LRRC7: variants seen among roughly 807,000 people sequenced by gnomAD.
The protein encoded by LRRC7 is leucine-rich repeat-containing protein 7.
LRRC7 carries 23 observed loss-of-function variants against 175.7 expected under a neutral mutation model. The observed-to-expected ratio is 0.13, with a 90% CI of 0.09 to 0.19. The LOEUF is 0.19. LRRC7 is among the 10% of genes least tolerant of loss of function. The pLI is 1.00. For synonymous variants in LRRC7, 685 were observed against 680.9 expected (o/e 1.01, Z -0.09); for missense variants, 1,354 against 1,904.7 (o/e 0.71, Z 5.38).
intron 1 of LRRC7, among the ~76,000 whole-genome samples, chr1:69,608,541 A>G (rs1773325): frequency 0.13 from 19,816 of 152,082 alleles, 1,624 homozygotes; most frequent in South Asian, 0.19. Context: ...TCAGTGTCCC[A>G]TAACACCTTA....
At chr1:69,573,740 A>G (rs1021109210) in intron 1 of LRRC7, among the ~76,000 whole-genome samples, 2 of 152,188 alleles carry the variant, frequency 1.3e-5, no homozygotes, top group Admixed American at 1.3e-4. Context: ...TTTCCTGTGT[A>G]CACTCATTCT....
At chr1:69,795,729 C>T (rs985393136) in intron 4 of LRRC7, among the ~76,000 whole-genome samples, 1 of 152,106 alleles carries the variant, frequency 6.6e-6, no homozygotes, top group Non-Finnish European at 1.5e-5. Flanking sequence ...TCAATCTGAT[C>T]TTGATTGTTG....
intron 4 of LRRC7, among the ~76,000 whole-genome samples, chr1:69,809,797 G>A (rs1021025967): frequency 3.3e-5 from 5 of 152,096 alleles, no homozygotes; most frequent in African/African-American, 1.2e-4. Context: ...AGCTATTTAT[G>A]AGAAACCCAC....
chr1:69,740,932 G>T (rs1354708990), intron 2 of LRRC7, among the ~76,000 whole-genome samples: 1 of 151,860 alleles, frequency 6.6e-6, no homozygotes, highest in African/African-American at 2.4e-5. Context: ...CAGACTAGTG[G>T]AAGTATTCAT....
chr1:70,041,578 A>G (rs1263424960), intron 21 of LRRC7, among the ~76,000 whole-genome samples: 3 of 152,230 alleles, frequency 2.0e-5, no homozygotes, highest in Non-Finnish European at 2.9e-5. Context: ...ATAATACAGT[A>G]CAGTTTGGGA....
At chr1:69,723,748 A>G (rs1257944994) in intron 2 of LRRC7, among the ~76,000 whole-genome samples, 4 of 152,164 alleles carry the variant, frequency 2.6e-5, no homozygotes, top group Non-Finnish European at 4.4e-5. Flanking sequence ...TCAAAGTGCC[A>G]GCAGATTCAG....
intron 8 of LRRC7, among the ~76,000 whole-genome samples, chr1:69,966,689 C>T (rs11209582): frequency 0.041 from 6,239 of 152,250 alleles, 148 homozygotes; most frequent in East Asian, 0.073. Flanking sequence ...GGAGATTGTC[C>T]GCCCCGAGCA....
chr1:69,872,843 C>G (rs1354382380), intron 7 of LRRC7, among the ~76,000 whole-genome samples: 1 of 152,090 alleles, frequency 6.6e-6, no homozygotes, highest in Non-Finnish European at 1.5e-5. Flanking sequence ...ACATATACCT[C>G]TCTCATTGGT....
chr1:69,718,029 AAAG>A (rs1665815027), intron 2 of LRRC7, among the ~76,000 whole-genome samples: 1 of 148,838 alleles, frequency 6.7e-6, no homozygotes, highest in African/African-American at 2.4e-5. Flanking sequence ...CTAGAAAGAA[AAAG>A]AAGAAAGGAG....
intron 8 of LRRC7, among the ~76,000 whole-genome samples, chr1:69,975,670 T>C (rs1323700145): frequency 1.3e-5 from 2 of 152,200 alleles, no homozygotes; most frequent in African/African-American, 4.8e-5. Context: ...TTGCCTTATG[T>C]TAACAGATTA....
chr1:69,713,281 T>C (rs975936149), intron 2 of LRRC7, among the ~76,000 whole-genome samples: 1 of 151,438 alleles, frequency 6.6e-6, no homozygotes, highest in Admixed American at 6.6e-5. Flanking sequence ...AGCCTAGGAG[T>C]TCCAGATCAG....
At chr1:69,996,968 G>C (rs1312992083) in intron 11 of LRRC7, among the ~76,000 whole-genome samples, 1 of 152,126 alleles carries the variant, frequency 6.6e-6, no homozygotes, top group Non-Finnish European at 1.5e-5. Flanking sequence ...GGATGGCATT[G>C]AATCTGTAAA....
intron 3 of LRRC7, among the ~76,000 whole-genome samples, chr1:69,772,117 G>T (rs1020799999): frequency 6.6e-6 from 1 of 151,858 alleles, no homozygotes; most frequent in African/African-American, 2.4e-5. Context: ...GTGAAACTCC[G>T]CCTCTAAATA....
intron 23 of LRRC7, among the ~76,000 whole-genome samples, chr1:70,064,696 T>G (rs1366168086): frequency 6.6e-6 from 1 of 151,846 alleles, no homozygotes; most frequent in African/African-American, 2.4e-5. Context: ...GAGAAACTCA[T>G]GCACTAGTCA....
At chr1:69,669,031 T>C (rs1333005831) in intron 1 of LRRC7, among the ~76,000 whole-genome samples, 2 of 152,196 alleles carry the variant, frequency 1.3e-5, no homozygotes, top group Non-Finnish European at 2.9e-5. Context: ...TCATACTGTC[T>C]ATGTCTTGAA....
chr1:69,764,803 G>A (rs1474727356), intron 3 of LRRC7, among the ~76,000 whole-genome samples: 1 of 149,412 alleles, frequency 6.7e-6, no homozygotes, highest in Non-Finnish European at 1.5e-5. Context: ...ATAGATAACT[G>A]GGCAAGATGA....
intron 26 of LRRC7, among the ~76,000 whole-genome samples, chr1:70,121,105 C>T (rs1036756557): frequency 2.0e-5 from 3 of 151,856 alleles, no homozygotes; most frequent in African/African-American, 4.8e-5. Flanking sequence ...ATATCAATTG[C>T]TTATATCAAT....
At chr1:69,750,441 A>G (rs1188272742) in intron 2 of LRRC7, among the ~76,000 whole-genome samples, 1 of 152,236 alleles carries the variant, frequency 6.6e-6, no homozygotes, top group African/African-American at 2.4e-5. Context: ...ATAAATATGT[A>G]CAACCATATG....
chr1:70,018,625 C>T, intron 14 of LRRC7, 94 bp from the exon 15 acceptor site: 1 of 635,682 alleles, frequency 1.6e-6, no homozygotes, highest in East Asian at 3.0e-5. Flanking sequence ...TTCACTTTTT[C>T]CCCCCAATGT....
Sources: gnomAD v4.1 joint callset for allele counts (sites outside exome capture counted in the v4.1 genomes callset) on GRCh38, gnomAD v4.1.1 for gene constraint, MANE v1.5 for transcripts, NCBI Gene and HGNC (gene_info 2026-07-23, HGNC 2026-07-21) for gene names.